The following KDM2B variants were observed in gnomAD, a reference collection of about 807,000 sequenced individuals.
KDM2B encodes lysine-specific demethylase 2B.
In KDM2B, 26 loss-of-function variants were observed where a neutral mutation model predicts 150.0. The ratio of observed to expected loss-of-function variants is 0.17; its 90% confidence interval spans 0.13 to 0.24. The LOEUF is 0.24. KDM2B is among the 10% of genes least tolerant of loss of function. KDM2B has a pLI of 1.00. For synonymous variants in KDM2B, 734 were observed against 729.5 expected (o/e 1.01, Z -0.10); for missense variants, 1,265 against 1,816.9 (o/e 0.70, Z 5.52).
chr12:121,532,827 A>C lies in KDM2B; in HGVS notation c.910T>G (p.Tyr304Asp). The C allele has an allele frequency of 6.2e-7, 1 of 1,614,230 alleles. No individual in the cohort carries two copies. The highest frequency in any genetic ancestry group is 8.5e-7 in the Non-Finnish European group (1 of 1,180,036). The change falls in exon 8 of 23, where the codon TAC becomes GAC. Residue 304 changes from tyrosine to aspartate, a missense_variant. Transcript: ENST00000377071. ...RCQRIELKQG[Y>D]TFFIPSGWIH... The stretch of plus-strand genomic sequence containing the variant: ...CTACCGGAAGGGATGAAAAATGTGT[A>C]GCCCTGCTTCAGCTCAATTCTTTGG...
At chr12:121,577,843 G>A (rs1891611057) in intron 2 of KDM2B, among the ~76,000 whole-genome samples, 1 of 152,166 alleles carries the variant, frequency 6.6e-6, no homozygotes, top group Admixed American at 6.5e-5. Context: ...GAGCCACACT[G>A]GCTGCAGGCT....
At chr12:121,494,329 C>G in intron 12 of KDM2B, 1 of 432,262 alleles carries the variant, frequency 2.3e-6, no homozygotes, top group South Asian at 2.9e-5. Context: ...CAGGGAAAGG[C>G]GAGGTGTCAG....
intron 8 of KDM2B, among the ~76,000 whole-genome samples, chr12:121,522,949 G>A (rs1401959023): frequency 1.3e-5 from 2 of 152,224 alleles, no homozygotes; most frequent in Non-Finnish European, 2.9e-5. Context: ...AAGGCTGGGA[G>A]AAAGCCCCTC....
intron 11 of KDM2B, among the ~76,000 whole-genome samples, chr12:121,498,383 T>A (rs1884191799): frequency 6.6e-6 from 1 of 152,130 alleles, no homozygotes; most frequent in East Asian, 1.9e-4. Context: ...ATGGCCCATT[T>A]AAAAAGGGGC....
chr12:121,423,446 A>C, the KDM2B span: 1 of 1,613,452 alleles, frequency 6.2e-7, no homozygotes, highest in East Asian at 2.2e-5. This position sits in a 1 kb window ranked among gnomAD's most constrained non-coding sequence, Gnocchi z 4.3. Context: ...ATCTGCATGG[A>C]TGCCGTCATC....
At chr12:121,550,742 C>A (rs781823807) in intron 4 of KDM2B, among the ~76,000 whole-genome samples, 1 of 152,162 alleles carries the variant, frequency 6.6e-6, no homozygotes, top group Non-Finnish European at 1.5e-5. Context: ...GATCCACCCA[C>A]CTCAGCCTCC....
intron 8 of KDM2B, among the ~76,000 whole-genome samples, chr12:121,531,033 T>C (rs1448192711): frequency 6.6e-6 from 1 of 152,132 alleles, no homozygotes; most frequent in Non-Finnish European, 1.5e-5. Flanking sequence ...CCAGTCATCC[T>C]TTGAATCCAG....
intron 8 of KDM2B, among the ~76,000 whole-genome samples, chr12:121,523,929 A>G (rs1335645994): frequency 1.3e-5 from 2 of 152,108 alleles, no homozygotes; most frequent in Non-Finnish European, 2.9e-5. Flanking sequence ...GCCGCCCTGA[A>G]AGAGCCTCTG....
intron 6 of KDM2B, among the ~76,000 whole-genome samples, chr12:121,544,645 G>A (rs1266049002): frequency 2.0e-5 from 3 of 151,418 alleles, no homozygotes; most frequent in Non-Finnish European, 4.4e-5. Context: ...AGGTGTGGTG[G>A]CTCACGCCTG....
chr12:121,512,541 G>A lies in KDM2B; in HGVS notation c.1174+735C>T, dbSNP rs938633117. On this transcript the variant is annotated intron_variant, in intron 10 of 22. Transcript: ENST00000377071. ...CTGGTTAAAAAAAAAAAGATGCAGT[G>A]TCTGAGATGCTGCAGACTCTACATC... Among the ~76,000 whole-genome samples the A allele has an allele frequency of 8.5e-5, 13 of 152,162 alleles. No homozygotes were observed. The South Asian group carries it at 2.7e-3, about 32-fold the overall frequency.
At chr12:121,564,693 C>A (rs1890573790) in intron 4 of KDM2B, among the ~76,000 whole-genome samples, 1 of 152,120 alleles carries the variant, frequency 6.6e-6, no homozygotes, top group African/African-American at 2.4e-5. Context: ...ATAAAAACTT[C>A]CTGTTGATCC....
chr12:121,478,917 C>T (rs1555297324), intron 12 of KDM2B, among the ~76,000 whole-genome samples: 1 of 105,388 alleles, frequency 9.5e-6, no homozygotes, highest in African/African-American at 3.1e-5. Context: ...AGAGTTTCGT[C>T]ATGTTGCCTA....
rs781971952 is a variant in KDM2B at position 121,440,981 on chromosome 12, G to T, written c.3449-4C>A. 3 of 1,613,486 alleles carry T rather than the reference G, an allele frequency of 1.9e-6. No individual in the cohort carries two copies. Among genetic ancestry groups the T allele is most frequent in the African/African-American group, 1.3e-5 (1 of 75,060 alleles). Reference sequence around the variant, plus strand: ...GACAGCACCAAGTCCCGGAGCCCTGGGGGGACATAGAAAAGGGTGAAGGTC... The same window carrying T: ...GACAGCACCAAGTCCCGGAGCCCTGTGGGGACATAGAAAAGGGTGAAGGTC... On this transcript the variant is annotated splice_region_variant and splice_polypyrimidine_tract_variant and intron_variant, in intron 20 of 22. Coordinates refer to ENST00000377071, the MANE Select transcript of KDM2B (RefSeq NM_032590.5).
At chr12:121,541,030 C>T (rs959497629) in intron 6 of KDM2B, among the ~76,000 whole-genome samples, 4 of 151,932 alleles carry the variant, frequency 2.6e-5, no homozygotes, top group African/African-American at 7.3e-5. Flanking sequence ...GTTGGGAGTT[C>T]GAGACCAGCC....
intron 12 of KDM2B, chr12:121,493,906 C>A (rs906186304): frequency 1.3e-5 from 2 of 152,146 alleles, no homozygotes; most frequent in Non-Finnish European, 2.9e-5. Flanking sequence ...GTAGCCCAGA[C>A]TGGAGTGCAG....
intron 11 of KDM2B, among the ~76,000 whole-genome samples, chr12:121,507,867 C>T (rs1332582636): frequency 6.6e-6 from 1 of 151,884 alleles, no homozygotes; most frequent in Non-Finnish European, 1.5e-5. Context: ...AAAAATTAGC[C>T]GAGCATGGTG....
intron 12 of KDM2B, among the ~76,000 whole-genome samples, chr12:121,484,350 G>A (rs1252018668): frequency 2.0e-5 from 3 of 152,180 alleles, no homozygotes; most frequent in African/African-American, 4.8e-5. Context: ...AGGGCACTCC[G>A]AGAAGGAAGG....
At chr12:121,416,777 A>G in the KDM2B span, among the ~76,000 whole-genome samples, 1 of 152,108 alleles carries the variant, frequency 6.6e-6, no homozygotes, top group South Asian at 2.1e-4. Context: ...TAAATTAACT[A>G]CTCTTTAGAG....
chr12:121,559,872 T>C (rs1890209763), intron 4 of KDM2B, among the ~76,000 whole-genome samples: 1 of 146,844 alleles, frequency 6.8e-6, no homozygotes, highest in Non-Finnish European at 1.5e-5. Flanking sequence ...CACTGCACTC[T>C]AGCCTGAGCA....
Sources: allele counts gnomAD v4.1 joint callset (sites outside exome capture counted in the v4.1 genomes callset), GRCh38; gene constraint gnomAD v4.1.1; non-coding constraint Gnocchi (gnomAD v3.1); transcripts MANE v1.5; gene names NCBI Gene and HGNC (gene_info 2026-07-23, HGNC 2026-07-21).